Variants in PIK3CD observed in about 807,000 individuals in gnomAD.
PIK3CD encodes the protein phosphatidylinositol 4,5-bisphosphate 3-kinase catalytic subunit delta isoform.
PIK3CD carries 20 observed loss-of-function variants against 122.9 expected under a neutral mutation model. The observed-to-expected ratio is 0.16, with a 90% CI of 0.11 to 0.24. The LOEUF (loss-of-function observed/expected upper bound fraction) is 0.24, where lower values mean the gene tolerates loss of function less well. Ranked by LOEUF, PIK3CD falls within the 10% of genes least tolerant of loss-of-function variation. The probability of loss-of-function intolerance (pLI) is 1.00; values close to 1 mark genes in which losing one functional copy is unlikely to be tolerated. For synonymous variants in PIK3CD, 596 were observed against 593.4 expected (o/e 1.00, Z -0.06); for missense variants, 787 against 1,406.3 (o/e 0.56, Z 7.04).
At chr1:9,657,139 A>T (rs1276718307) in intron 1 of PIK3CD, among the ~76,000 whole-genome samples, 1 of 151,994 alleles carries the variant, frequency 6.6e-6, no homozygotes, top group Admixed American at 6.6e-5. Flanking sequence ...TCACAAGGGC[A>T]TCTCCTCCGT....
chr1:9,683,362 C>T (rs749172044), intron 1 of PIK3CD, among the ~76,000 whole-genome samples: 3 of 149,670 alleles, frequency 2.0e-5, no homozygotes, highest in Non-Finnish European at 3.0e-5. Context: ...GGCGTGAACC[C>T]GGGAGGCAGA....
Position 9,670,201 on chromosome 1 carries a change from A to G in PIK3CD, c.-138+18399A>G, listed in dbSNP as rs76939597. The stretch of plus-strand genomic sequence containing the variant: ...CCTCATATTCAGAGCCAAGGAAAGG[A>G]GATGTACTCCCAGACCACAACTTCT... On this transcript the variant is annotated intron_variant, in intron 1 of 23. Transcript: ENST00000377346. Among the ~76,000 whole-genome samples the G allele has an allele frequency of 2.1e-3, 321 of 151,196 alleles. 1 individual carries two copies. The highest frequency in any genetic ancestry group is 7.3e-3 in the African/African-American group (301 of 41,216).
chr1:9,649,007 C>T (rs569998322), upstream of PIK3CD, among the ~76,000 whole-genome samples: 30 of 152,188 alleles, frequency 2.0e-4, no homozygotes, highest in African/African-American at 7.0e-4. Context: ...GAGGCTGAGG[C>T]ATGAGAGTCG....
chr1:9,721,248 C>T lies in PIK3CD; in HGVS notation c.1811C>T (p.Thr604Met), dbSNP rs754072203. 2.3e-5 allele frequency: 37 copies of T among 1,613,220 alleles called. No individual in the cohort carries two copies. Among genetic ancestry groups the T allele is most frequent in the Middle Eastern group, 3.3e-4 (2 of 6,082 alleles). The change falls in exon 14 of 24, where the codon ACG becomes ATG. Residue 604 changes from threonine (T) to methionine (M), a missense_variant and splice_region_variant. This residue lies in a region of PIK3CD where 592 missense variants were observed against 920.6 expected (regional missense o/e 0.64). Coordinates refer to ENST00000377346, the MANE Select transcript of PIK3CD (RefSeq NM_005026.5). The part of the protein sequence containing the change: ...SFAIKSLRKL[T>M]DDELFQYLLQ... ...GCCATCAAGTCGCTGCGGAAACTGACGTGAGTCCCAGCTGGGCGCTCCCCA... is the reference window on the plus strand; with the variant it reads ...GCCATCAAGTCGCTGCGGAAACTGATGTGAGTCCCAGCTGGGCGCTCCCCA...
intron 1 of PIK3CD, chr1:9,654,300 A>C (rs1050812007): frequency 2.9e-6 from 4 of 1,367,734 alleles, no homozygotes; most frequent in Non-Finnish European, 3.9e-6. Context: ...CTGCAGCCTC[A>C]GTCCACGCCG....
At chr1:9,706,817 T>C (rs1484360776) in intron 2 of PIK3CD, among the ~76,000 whole-genome samples, 1 of 150,966 alleles carries the variant, frequency 6.6e-6, no homozygotes, top group South Asian at 2.1e-4. Flanking sequence ...TTTTTTTTAC[T>C]TTTTTCTTTT....
chr1:9,637,063 A>G, the PIK3CD span, among the ~76,000 whole-genome samples: 4 of 151,914 alleles, frequency 2.6e-5, no homozygotes, highest in Admixed American at 1.3e-4. Flanking sequence ...ACGCCCGGCT[A>G]ATTTTTTGTA....
At chr1:9,712,560 C>T (rs1190676966) in intron 3 of PIK3CD, among the ~76,000 whole-genome samples, 2 of 152,036 alleles carry the variant, frequency 1.3e-5, no homozygotes, top group Non-Finnish European at 2.9e-5. Context: ...GGATTACAGC[C>T]GTGAGCCATG....
At chr1:9,669,277 G>T (rs1292609899) in intron 1 of PIK3CD, among the ~76,000 whole-genome samples, 1 of 152,022 alleles carries the variant, frequency 6.6e-6, no homozygotes, top group Non-Finnish European at 1.5e-5. Context: ...CAAGTGATCC[G>T]CCCACCTAGT....
intron 23 of PIK3CD, among the ~76,000 whole-genome samples, chr1:9,726,652 C>G (rs993324403): frequency 1.3e-5 from 2 of 152,168 alleles, no homozygotes; most frequent in Non-Finnish European, 2.9e-5. Context: ...CCTGCAAAAG[C>G]AGCTGCTCCC....
chr1:9,687,672 G>A (rs1392871413), intron 1 of PIK3CD: 2 of 152,236 alleles, frequency 1.3e-5, no homozygotes, highest in African/African-American at 4.8e-5. Context: ...GGGTGCGGGC[G>A]GGTGAGTGCC....
chr1:9,632,153 C>A, the PIK3CD span, among the ~76,000 whole-genome samples: 1 of 152,218 alleles, frequency 6.6e-6, no homozygotes, highest in African/African-American at 2.4e-5. Flanking sequence ...GCTAGGATTA[C>A]AGGCATGCGC....
Position 9,718,656 on chromosome 1 carries a change from C to T in PIK3CD, c.1021-38C>T. ...AAGGGGGAGGGGAGAGGGGCTGGGCCTCTGCCTCCTCACCCATCATCCCGG... is the reference window on the plus strand; with the variant it reads ...AAGGGGGAGGGGAGAGGGGCTGGGCTTCTGCCTCCTCACCCATCATCCCGG... On this transcript the variant is annotated intron_variant, in intron 8 of 23. Transcript: ENST00000377346. This position sits in a 1 kb window ranked among gnomAD's most constrained non-coding sequence, Gnocchi z 7.2. The T allele has an allele frequency of 6.4e-7, 1 of 1,571,724 alleles. No homozygotes were observed. The highest frequency in any genetic ancestry group is 8.7e-7 in the Non-Finnish European group (1 of 1,154,462).
chr1:9,684,931 C>T (rs1645912259), intron 1 of PIK3CD, among the ~76,000 whole-genome samples: 2 of 151,302 alleles, frequency 1.3e-5, no homozygotes, highest in Non-Finnish European at 1.5e-5. Context: ...TGCTTATATC[C>T]CCAACCCCTC....
chr1:9,640,147 G>A, the PIK3CD span, among the ~76,000 whole-genome samples: 17 of 151,864 alleles, frequency 1.1e-4, no homozygotes, highest in Non-Finnish European at 1.8e-4. Context: ...TCATTGTGGT[G>A]TTTTGTTTGG....
chr1:9,720,576 C>T lies in PIK3CD; in HGVS notation c.1471-35C>T, dbSNP rs930583781. ...GGGGTCCTGCCCGGGCTGGTCCAGG[C>T]CCCTGGGGACGCTGAGTGCAGCCGT... On this transcript the variant is annotated intron_variant, in intron 11 of 23. Coordinates refer to ENST00000377346, the MANE Select transcript of PIK3CD (RefSeq NM_005026.5). This position sits in a 1 kb window ranked among gnomAD's most constrained non-coding sequence, Gnocchi z 9.0. 1 of 1,549,634 alleles carries T rather than the reference C, an allele frequency of 6.5e-7. No individual in the cohort carries two copies. The highest frequency in any genetic ancestry group is 2.4e-5 in the East Asian group (1 of 40,868).
rs758253493 is a variant in PIK3CD, at chr1:9,718,915, G to A, written c.1242G>A (p.Ala414=). 27 of 1,611,922 alleles carry A rather than the reference G, an allele frequency of 1.7e-5. No homozygotes were observed. The highest frequency in any genetic ancestry group is 9.3e-5 in the African/African-American group (7 of 74,896). ...CCACCAAGAAGAAGTCCAAGAAGGC[G>A]GTGGGTCCCAGGGCCGGCTGGGAGG... ...ARSTKKKSKK[A]DCPIAWANLM... is the part of the protein sequence containing the mutation. Residue 414 remains alanine, a splice_region_variant and synonymous_variant, in exon 9 of 24, where the codon GCG becomes GCA. Transcript: ENST00000377346. The surrounding 1 kb of genome is among the most constrained non-coding windows in gnomAD (Gnocchi z 7.2).
At chr1:9,658,711 G>A (rs548740354) in intron 1 of PIK3CD, among the ~76,000 whole-genome samples, 1 of 152,030 alleles carries the variant, frequency 6.6e-6, no homozygotes, top group Admixed American at 6.6e-5. Context: ...TGTATTTTTA[G>A]TAGAGACAGG....
At chr1:9,692,620 C>T (rs1646243642) in intron 2 of PIK3CD, among the ~76,000 whole-genome samples, 1 of 152,118 alleles carries the variant, frequency 6.6e-6, no homozygotes, top group Non-Finnish European at 1.5e-5. Flanking sequence ...ATCCCAGCTA[C>T]TCGAGAGGCT....
Sources: gnomAD v4.1 joint callset for allele counts (sites outside exome capture counted in the v4.1 genomes callset) on GRCh38, gnomAD v4.1.1 for gene constraint, gnomAD v4.1.1 regional missense constraint, Gnocchi (gnomAD v3.1) non-coding constraint, MANE v1.5 for transcripts, NCBI Gene and HGNC (gene_info 2026-07-23, HGNC 2026-07-21) for gene names.